The following THBS1 variants were observed in gnomAD, a reference collection of about 807,000 sequenced individuals.
The protein encoded by THBS1 is thrombospondin 1.
A neutral mutation model predicts 126.1 loss-of-function variants in THBS1; 29 were observed. That is an observed-to-expected ratio of 0.23 (90% CI 0.17 to 0.31). The LOEUF (loss-of-function observed/expected upper bound fraction) is 0.31, where lower values mean the gene tolerates loss of function less well. Among genes scored for constraint, THBS1 ranks in the 10% least tolerant of loss-of-function variants. THBS1 has a pLI of 1.00. For synonymous variants in THBS1, 496 were observed against 577.8 expected (o/e 0.86, Z 2.03); for missense variants, 1,198 against 1,545.2 (o/e 0.78, Z 3.77).
intron 14 of THBS1, 163 bp from the exon 15 acceptor site, chr15:39,591,028 A>T: frequency 2.6e-6 from 2 of 766,192 alleles, no homozygotes; most frequent in Non-Finnish European, 4.1e-6. Flanking sequence ...ATGTCCTTTT[A>T]ACTTTTGTAG....
intron 1 of THBS1, among the ~76,000 whole-genome samples, chr15:39,581,506 GTC>G (rs1283012673): frequency 8.1e-6 from 1 of 123,812 alleles, no homozygotes; most frequent in Admixed American, 7.3e-5. Context: ...CCAGGGAAGA[GTC>G]TGTACTTCCC....
At position 39,592,218 on chromosome 15, in the gene THBS1, T is replaced by C. The variant is rs1447741005; in HGVS notation, c.2533-350T>C. ...AACCTTCTAAGGAAATTCTCTGTTA[T>C]AAAGTATCCAGAAAATTTCATTTAA... On this transcript the variant is annotated intron_variant, in intron 16 of 21. Transcript: ENST00000260356. The surrounding 1 kb of genome is among the most constrained non-coding windows in gnomAD (Gnocchi z 4.3). 3.3e-5 allele frequency among the ~76,000 whole-genome samples: 5 copies of C among 152,258 alleles called. No homozygotes were observed. The highest frequency in any genetic ancestry group is 1.3e-4 in the Admixed American group (2 of 15,284).
chr15:39,585,421 A>G (rs772375643), intron 6 of THBS1, 49 bp from the exon 7 acceptor site: 6 of 1,544,424 alleles, frequency 3.9e-6, no homozygotes, highest in African/African-American at 2.7e-5. Flanking sequence ...AGACTTCTGT[A>G]TGCAACATGC....
At chr15:39,590,675 G>A (rs1479818834) in intron 14 of THBS1, 52 bp downstream of exon 14, 1 of 1,482,152 alleles carries the variant, frequency 6.7e-7, no homozygotes, top group Non-Finnish European at 9.4e-7. Context: ...GCAACAGCCT[G>A]AAACACTTTG....
At chr15:39,584,571 G>A (rs1352447311) in intron 6 of THBS1, 149 bp downstream of exon 6, 1 of 1,059,800 alleles carries the variant, frequency 9.4e-7, no homozygotes, top group Non-Finnish European at 1.3e-6. Flanking sequence ...ATGCAATTAT[G>A]GCATCTATAA....
At position 39,598,919 on chromosome 15, in the gene THBS1, T is replaced by C. The variant is rs1890544776; in HGVS notation, c.*3550T>C. On this transcript the variant is annotated 3_prime_UTR_variant, in exon 22 of 22. Coordinates refer to ENST00000260356, the MANE Select transcript of THBS1 (RefSeq NM_003246.4). ...AATTGGCTCTCTCTCTCTTCTATAA[T>C]TTCTTTTTCTTTTTATTTTTGAGAT... 1 of 152,044 alleles carries C rather than the reference T, an allele frequency of 6.6e-6. No homozygotes were observed. Among genetic ancestry groups the C allele is most frequent in the Admixed American group, 6.6e-5 (1 of 15,264 alleles). The allele number at this position is 152,044 out of a possible 1,614,324, so 9.4% of individuals were successfully genotyped here.
In THBS1 at chr15:39,594,067, T is replaced by C. The variant is rs1050010972; in HGVS notation, c.3268-32T>C. The C allele has an allele frequency of 1.3e-6, 2 of 1,589,662 alleles. No homozygotes were observed. Among genetic ancestry groups the C allele is most frequent in the Non-Finnish European group, 1.7e-6 (2 of 1,163,014 alleles). ...TAGAAATCTTTACCTGAAGGAGCTG[T>C]GTTTCAACCTTTCCTTTTCCTTTTC... is the stretch of plus-strand genomic sequence containing the variant. On this transcript the variant is annotated intron_variant, in intron 19 of 21. Transcript: ENST00000260356. The surrounding 1 kb of genome is among the most constrained non-coding windows in gnomAD (Gnocchi z 4.4).
Position 39,590,041 on chromosome 15 carries a change from G to A in THBS1, c.2145+18G>A. ...GCAAAAAGGTAGAGCCAGGTCCTTT[G>A]TGTGCCTCCAGAAAGAGGGCCCATC... On this transcript the variant is annotated intron_variant, in intron 13 of 21. Coordinates refer to ENST00000260356, the MANE Select transcript of THBS1 (RefSeq NM_003246.4). 2 of 1,558,728 alleles carry A rather than the reference G, an allele frequency of 1.3e-6. No individual in the cohort carries two copies. The highest frequency in any genetic ancestry group is 1.7e-6 in the Non-Finnish European group (2 of 1,149,414).
At position 39,591,300 on chromosome 15, in the gene THBS1, C is replaced by G; in HGVS notation, c.2363C>G (p.Thr788Arg). The change falls in exon 15 of 22, where the codon ACA (threonine) becomes AGA (arginine). Residue 788 changes from threonine to arginine, a missense_variant. Coordinates refer to ENST00000260356, the MANE Select transcript of THBS1 (RefSeq NM_003246.4). Reference sequence around the variant, plus strand: ...AACCACAACCCAGATCAGGCAGACACAGACAACAATGGGGAAGGAGACGCC... The same window carrying G: ...AACCACAACCCAGATCAGGCAGACAGAGACAACAATGGGGAAGGAGACGCC... ...PYNHNPDQAD[T>R]DNNGEGDACA... 6.2e-7 allele frequency: 1 copy of G among 1,614,194 alleles called. No individual in the cohort carries two copies. Among genetic ancestry groups the G allele is most frequent in the South Asian group, 1.1e-5 (1 of 91,084 alleles).
At position 39,590,640 on chromosome 15, in the gene THBS1, A is replaced by G; in HGVS notation, c.2253+17A>G. 1 of 1,607,328 alleles carries G rather than the reference A, an allele frequency of 6.2e-7. No individual in the cohort carries two copies. The highest frequency in any genetic ancestry group is 8.5e-7 in the Non-Finnish European group (1 of 1,174,238). On this transcript the variant is annotated intron_variant, in intron 14 of 21. Transcript: ENST00000260356. ...GATGACAGGGTAAAAACAGTTTTCT[A>G]TCCCTTTTTCATCTTTTCAGTTCAG...
chr15:39,587,232 G>C, intron 7 of THBS1, 115 bp from the exon 8 acceptor site: 1 of 1,045,982 alleles, frequency 9.6e-7, no homozygotes, highest in East Asian at 2.6e-5. Flanking sequence ...AAGCCAAAAA[G>C]AAATAAATAT....
rs777305100 is a variant in THBS1 at position 39,593,009 on chromosome 15, G to A, written c.2777G>A (p.Arg926Gln). ...PDQKDSDGDG[R>Q]GDACKDDFDH... The stretch of plus-strand genomic sequence containing the variant: ...GCTTTTTTGACCTCAGGCGATGGTC[G>A]AGGTGATGCCTGCAAAGATGATTTT... The change falls in exon 18 of 22, where the codon CGA becomes CAA. Residue 926 changes from arginine (R) to glutamine (Q), a missense_variant. Physicochemically the swap from Arg to Gln is conservative, Grantham distance 43. This residue lies in a region of THBS1 where 255 missense variants were observed against 373.9 expected (regional missense o/e 0.68). Transcript: ENST00000260356. The surrounding 1 kb of genome is among the most constrained non-coding windows in gnomAD (Gnocchi z 5.9). 2.5e-6 allele frequency: 4 copies of A among 1,613,194 alleles called. No homozygotes were observed. The highest frequency in any genetic ancestry group is 3.4e-6 in the Non-Finnish European group (4 of 1,179,914).
At position 39,595,854 on chromosome 15, in the gene THBS1, G is replaced by T. The variant is rs952094389; in HGVS notation, c.*485G>T. The T allele has an allele frequency of 2.4e-5, 11 of 457,224 alleles. No homozygotes were observed. The highest frequency in any genetic ancestry group is 2.2e-4 in the African/African-American group (11 of 50,244). The allele number at this position is 457,224 out of a possible 1,614,324, so 28.3% of individuals were successfully genotyped here. A position where few individuals can be genotyped will look rare whatever the true frequency, so the allele number is the denominator to read the frequency against. ...TAAGGGGAGGGCGCATACCCGAGAC[G>T]ATTGTATGAAGAAAATATGGAGGAA... is the stretch of plus-strand genomic sequence containing the variant. On this transcript the variant is annotated 3_prime_UTR_variant, in exon 22 of 22. Coordinates refer to ENST00000260356, the MANE Select transcript of THBS1 (RefSeq NM_003246.4).
Position 39,582,619 on chromosome 15 carries a change from C to A in THBS1, c.494C>A (p.Ala165Asp). 6.2e-7 allele frequency: 1 copy of A among 1,614,070 alleles called. No individual in the cohort carries two copies. The highest frequency in any genetic ancestry group is 1.1e-5 in the South Asian group (1 of 91,082). The change falls in exon 3 of 22, where the codon GCC (alanine) becomes GAC (aspartate). Residue 165 changes from alanine to aspartate, a missense_variant. By Grantham distance (126) the Ala-to-Asp change is moderately radical (BLOSUM62 -2). Around this residue, in one of 4 missense-constraint regions of THBS1, gnomAD observed 271 missense variants for 277.0 expected, o/e 0.98. Transcript: ENST00000260356. Reference protein sequence around the residue: ...SITLFVQEDRAQLYIDCEKME... With the variant: ...SITLFVQEDRDQLYIDCEKME... ...ACCCTGTTTGTGCAGGAAGACAGGG[C>A]CCAGCTGTACATCGACTGTGAAAAG...
At chr15:39,584,562 T>G (rs1410966428) in intron 6 of THBS1, 140 bp downstream of exon 6, 1 of 1,145,738 alleles carries the variant, frequency 8.7e-7, no homozygotes, top group Non-Finnish European at 1.2e-6. Context: ...TTCTTTAAGA[T>G]GCAATTATGG....
At position 39,582,210 on chromosome 15, in the gene THBS1, A is replaced by T; in HGVS notation, c.85A>T (p.Ser29Cys). The change falls in exon 3 of 22, where the codon AGC becomes TGC. Residue 29 changes from serine (S) to cysteine (C), a missense_variant. Around this residue, in one of 4 missense-constraint regions of THBS1, gnomAD observed 271 missense variants for 277.0 expected, o/e 0.98. Coordinates refer to ENST00000260356, the MANE Select transcript of THBS1 (RefSeq NM_003246.4). ...TCTAACAGAGTCTGGCGGAGACAACAGCGTGTTTGACATCTTTGAACTCAC... is the reference window on the plus strand; with the variant it reads ...TCTAACAGAGTCTGGCGGAGACAACTGCGTGTTTGACATCTTTGAACTCAC... ...NRIPESGGDN[S>C]VFDIFELTGA... is the part of the protein sequence containing the mutation. The T allele has an allele frequency of 1.2e-6, 2 of 1,606,494 alleles. No homozygotes were observed. The highest frequency in any genetic ancestry group is 1.1e-5 in the South Asian group (1 of 89,986).
At chr15:39,583,765 A>C in intron 4 of THBS1, 73 bp downstream of exon 4, 1 of 1,500,734 alleles carries the variant, frequency 6.7e-7, no homozygotes, top group Non-Finnish European at 9.2e-7. Flanking sequence ...TGAGGAATTT[A>C]GCAATAGTGG....
rs754651987 is a variant in THBS1, at chr15:39,589,799, C to A, written c.1927-6C>A. 3 of 1,602,278 alleles carry A rather than the reference C, an allele frequency of 1.9e-6. No homozygotes were observed. The stretch of plus-strand genomic sequence containing the variant: ...TCTGTGTAACAGCAGCATGGTGTAC[C>A]CTCAGGTGTGCAAGCCCCGTAACCC... On this transcript the variant is annotated splice_region_variant and splice_polypyrimidine_tract_variant and intron_variant, in intron 12 of 21. Transcript: ENST00000260356. The surrounding 1 kb of genome is among the most constrained non-coding windows in gnomAD (Gnocchi z 4.7).
rs1219881609 is a variant in THBS1, at chr15:39,589,577, G to A, written c.1926+223G>A. ...AAAATGCTGCTCTGGAATAAGTTGT[G>A]AGCAGATGGACTTGTAAACGCCTAG... On this transcript the variant is annotated intron_variant, in intron 12 of 21. Transcript: ENST00000260356. This position sits in a 1 kb window ranked among gnomAD's most constrained non-coding sequence, Gnocchi z 4.7. 1.3e-5 allele frequency among the ~76,000 whole-genome samples: 2 copies of A among 152,192 alleles called. No individual in the cohort carries two copies. The highest frequency in any genetic ancestry group is 1.3e-4 in the Admixed American group (2 of 15,278).
Sources: allele counts gnomAD v4.1 joint callset (sites outside exome capture counted in the v4.1 genomes callset), GRCh38; gene constraint gnomAD v4.1.1; regional missense constraint gnomAD v4.1.1; non-coding constraint Gnocchi (gnomAD v3.1); transcripts MANE v1.5; gene names NCBI Gene and HGNC (gene_info 2026-07-23, HGNC 2026-07-21).